TENM4: variants seen among roughly 807,000 people sequenced by gnomAD.
The protein encoded by TENM4 is teneurin-4.
Under a neutral mutation model 243.3 loss-of-function variants are expected in TENM4, and 82 were observed. The observed-to-expected ratio is 0.34, with a 90% CI of 0.28 to 0.40. The LOEUF is 0.40. Ranked by LOEUF, TENM4 falls within the 10% of genes least tolerant of loss-of-function variation. The pLI is 1.00. For synonymous variants in TENM4, 1,412 were observed against 1,456.3 expected, an observed-to-expected ratio of 0.97 and a Z score of 0.69; for missense variants, 3,138 against 3,673.3, an observed-to-expected ratio of 0.85 and a Z score of 3.77.
chr11:79,241,854 A>G (rs936499264), intron 2 of TENM4, among the ~76,000 whole-genome samples: 21 of 152,172 alleles, frequency 1.4e-4, no homozygotes, highest in Admixed American at 3.3e-4. Context: ...CTGAGCTGGT[A>G]AAAAACTAGC....
intron 2 of TENM4, among the ~76,000 whole-genome samples, chr11:79,278,165 A>G (rs1856092844): frequency 6.6e-6 from 1 of 152,150 alleles, no homozygotes; most frequent in South Asian, 2.1e-4. Context: ...ATTTCATTCC[A>G]TTGCTTATTT....
intron 6 of TENM4, among the ~76,000 whole-genome samples, chr11:78,975,769 G>A (rs1253036543): frequency 1.4e-5 from 2 of 138,888 alleles, no homozygotes; most frequent in South Asian, 2.6e-4. Context: ...AAGGAAAGGG[G>A]CAAGAGATAG....
chr11:78,695,582 C>T (rs527900217), intron 28 of TENM4, among the ~76,000 whole-genome samples: 259 of 152,118 alleles, frequency 1.7e-3, no homozygotes, highest in African/African-American at 6.0e-3. Context: ...AGGCTGGTCT[C>T]GAACTCCTGA....
chr11:79,169,828 A>C lies in TENM4; in HGVS notation c.-162-21022T>G, dbSNP rs181078391. 3.5e-3 allele frequency among the ~76,000 whole-genome samples: 534 copies of C among 152,354 alleles called. 2 individuals are homozygous for C. The highest frequency in any genetic ancestry group is 0.012 in the African/African-American group (503 of 41,580). On this transcript the variant is annotated intron_variant, in intron 3 of 33. Transcript: ENST00000278550. Reference sequence around the variant, plus strand: ...GGAGCTGGCAGACAGAGATCTTAGCAGGGTCTTCCCTGGGGAACTTAACTT... The same window carrying C: ...GGAGCTGGCAGACAGAGATCTTAGCCGGGTCTTCCCTGGGGAACTTAACTT...
At chr11:78,903,220 C>T in intron 7 of TENM4, 48 bp downstream of exon 7, 1 of 1,466,594 alleles carries the variant, frequency 6.8e-7, no homozygotes, top group Non-Finnish European at 9.0e-7. Flanking sequence ...TGGTCCGGGC[C>T]CCGGGTGCCC....
intron 2 of TENM4, among the ~76,000 whole-genome samples, chr11:79,266,737 T>A (rs1055681211): frequency 6.6e-6 from 1 of 152,048 alleles, no homozygotes; most frequent in African/African-American, 2.4e-5. Context: ...TTTGCTTTTT[T>A]TAGAGGCACA....
intron 3 of TENM4, among the ~76,000 whole-genome samples, chr11:79,196,123 C>A (rs1019137800): frequency 5.3e-5 from 8 of 152,252 alleles, no homozygotes; most frequent in Non-Finnish European, 1.2e-4. Flanking sequence ...TCTGAGGCAT[C>A]CCCAGACATG....
chr11:79,045,413 G>T (rs997201729), intron 6 of TENM4, among the ~76,000 whole-genome samples: 2 of 152,188 alleles, frequency 1.3e-5, no homozygotes, highest in Non-Finnish European at 2.9e-5. Context: ...TCAGGAAGGG[G>T]CTTGGTGCAG....
At chr11:78,879,765 C>T (rs1591094481) in intron 9 of TENM4, among the ~76,000 whole-genome samples, 1 of 150,756 alleles carries the variant, frequency 6.6e-6, no homozygotes, top group South Asian at 2.1e-4. Context: ...GCGCCTCCAC[C>T]CGGCCGCCCT....
intron 2 of TENM4, among the ~76,000 whole-genome samples, chr11:79,283,852 A>T (rs1383058230): frequency 6.6e-6 from 1 of 152,244 alleles, no homozygotes; most frequent in Non-Finnish European, 1.5e-5. Context: ...AAACAAGTTC[A>T]GCAAGTTTGA....
chr11:79,382,189 G>A (rs372135614), intron 1 of TENM4, among the ~76,000 whole-genome samples: 9 of 152,248 alleles, frequency 5.9e-5, no homozygotes, highest in South Asian at 4.2e-4. Flanking sequence ...AATGTAACTC[G>A]TCTGGCCGGG....
At chr11:79,377,801 G>T (rs1857921857) in intron 1 of TENM4, among the ~76,000 whole-genome samples, 1 of 152,148 alleles carries the variant, frequency 6.6e-6, no homozygotes, top group Non-Finnish European at 1.5e-5. Flanking sequence ...CCTAGAAAGT[G>T]GAGATGTGAT....
chr11:79,247,416 C>CAAAAAAAAAAAA (rs34265803), intron 2 of TENM4, among the ~76,000 whole-genome samples: 1 of 81,372 alleles, frequency 1.2e-5, no homozygotes, highest in Non-Finnish European at 2.4e-5. Context: ...GACTCTGTCT[C>CAAAAAAAAAAAA]AAAAAAAAAA....
intron 14 of TENM4, among the ~76,000 whole-genome samples, chr11:78,807,930 C>T (rs750768686): frequency 3.9e-5 from 6 of 152,208 alleles, no homozygotes; most frequent in African/African-American, 1.2e-4. Flanking sequence ...ACTGACTTCT[C>T]AGGTTGCTAT....
rs113536843 is a variant in TENM4, at chr11:78,900,847, C to T, written c.749+2421G>A. Among the ~76,000 whole-genome samples, 8 of 152,264 alleles carry T rather than the reference C, an allele frequency of 5.3e-5. No homozygotes were observed. The East Asian group carries it at 5.8e-4, about 11-fold the overall frequency. ...GACTTGATGCTGATCCCTCCTAAAC[C>T]GTGCCTTGTTAGTTTTGTGCCTTCA... is the stretch of plus-strand genomic sequence containing the variant. On this transcript the variant is annotated intron_variant, in intron 7 of 33. Coordinates refer to ENST00000278550, the MANE Select transcript of TENM4 (RefSeq NM_001098816.3).
At chr11:79,109,405 G>A (rs941441015) in intron 4 of TENM4, among the ~76,000 whole-genome samples, 70 of 152,084 alleles carry the variant, frequency 4.6e-4, no homozygotes, top group African/African-American at 1.6e-3. Flanking sequence ...TTTTTTGTGT[G>A]TGCCTTTGAA....
At chr11:78,839,068 T>C (rs943064662) in intron 12 of TENM4, among the ~76,000 whole-genome samples, 4 of 152,222 alleles carry the variant, frequency 2.6e-5, no homozygotes, top group Non-Finnish European at 5.9e-5. Flanking sequence ...TATTCTCATT[T>C]ATTAAGGATT....
At position 79,139,592 on chromosome 11, in the gene TENM4, G is replaced by GTATAT. The variant is rs1862223594; in HGVS notation, c.-66+9117_-66+9118insATATA. On this transcript the variant is annotated intron_variant, in intron 4 of 33. Coordinates refer to ENST00000278550, the MANE Select transcript of TENM4 (RefSeq NM_001098816.3). ...ATATAAAATATATATTATATTTCTAGAAATATATAAAATATATATTATATT... is the reference window on the plus strand; with the variant it reads ...ATATAAAATATATATTATATTTCTAGTATATAAATATATAAAATATATATTATATT... Among the ~76,000 whole-genome samples the GTATAT allele has an allele frequency of 5.4e-4, 11 of 20,260 alleles. 3 individuals carry two copies. The East Asian group carries it at 0.011, about 20-fold the overall frequency. The allele number at this position is 20,260 out of a possible 152,430, so 13.3% of individuals were successfully genotyped here.
chr11:79,125,122 T>C (rs1003802170), intron 4 of TENM4, among the ~76,000 whole-genome samples: 1 of 152,008 alleles, frequency 6.6e-6, no homozygotes, highest in Non-Finnish European at 1.5e-5. Flanking sequence ...AGAACACTGA[T>C]AGTCCTTGGT....
Sources: allele counts gnomAD v4.1 joint callset (sites outside exome capture counted in the v4.1 genomes callset), GRCh38; gene constraint gnomAD v4.1.1; transcripts MANE v1.5; gene names NCBI Gene and HGNC (gene_info 2026-07-23, HGNC 2026-07-21).